Variants in TUSC3 observed in about 807,000 individuals in gnomAD.
TUSC3 encodes tumor suppressor candidate 3, also known as dolichyl-diphosphooligosaccharide--protein glycosyltransferase subunit TUSC3.
Under a neutral mutation model 44.8 loss-of-function variants are expected in TUSC3, and 45 were observed. The ratio of observed to expected loss-of-function variants is 1.00; its 90% confidence interval spans 0.79 to 1.29. The LOEUF (loss-of-function observed/expected upper bound fraction) is 1.29. Ranked by LOEUF, TUSC3 falls within the 50% of genes most tolerant of loss-of-function variation. The pLI is 0.00. For synonymous variants in TUSC3, 212 were observed against 152.9 expected, an observed-to-expected ratio of 1.39 and a Z score of -2.85; for missense variants, 519 against 437.9, an observed-to-expected ratio of 1.19 and a Z score of -1.65.
chr8:15,553,050 T>C (rs188341803), intron 1 of TUSC3, among the ~76,000 whole-genome samples: 2 of 151,688 alleles, frequency 1.3e-5, no homozygotes, highest in East Asian at 3.9e-4. Context: ...CATTTCTTGA[T>C]AAAAGGGAAA....
chr8:15,609,365 C>T (rs967439540), intron 1 of TUSC3, among the ~76,000 whole-genome samples: 1 of 152,120 alleles, frequency 6.6e-6, no homozygotes, highest in Non-Finnish European at 1.5e-5. Context: ...TAATAGTCAT[C>T]TTGTCTGGAT....
At chr8:15,467,252 G>A (rs1420067510) in intron 1 of TUSC3, among the ~76,000 whole-genome samples, 1 of 143,916 alleles carries the variant, frequency 6.9e-6, no homozygotes, top group African/African-American at 2.6e-5. Flanking sequence ...TCATTCAGTG[G>A]TATTAAATAG....
chr8:15,824,181 C>G, the TUSC3 span, among the ~76,000 whole-genome samples: 14 of 152,158 alleles, frequency 9.2e-5, no homozygotes, highest in African/African-American at 3.4e-4. Flanking sequence ...ATAGAACTAA[C>G]TAGTCACAGA....
At position 15,542,029 on chromosome 8, in the gene TUSC3, G is replaced by A. The variant is rs192926578; in HGVS notation, c.138+1461G>A. 1.6e-3 allele frequency among the ~76,000 whole-genome samples: 235 copies of A among 150,830 alleles called. 1 individual carries two copies. The highest frequency in any genetic ancestry group is 2.5e-3 in the Admixed American group (38 of 15,126). ...TTTTTTTTTTGCCAGTGTTAAGGAT[G>A]CACTGGTGACACAGCCTCTGGAGGT... On this transcript the variant is annotated intron_variant, in intron 1 of 10. Coordinates refer to ENST00000503731, the MANE Select transcript of TUSC3 (RefSeq NM_006765.4).
At chr8:15,714,657 A>T (rs1337670657) in intron 6 of TUSC3, among the ~76,000 whole-genome samples, 1 of 152,178 alleles carries the variant, frequency 6.6e-6, no homozygotes. Flanking sequence ...CTTAGTAGGA[A>T]TGTTAAATAT....
At chr8:15,770,029 G>A (rs1464478824), downstream of TUSC3, among the ~76,000 whole-genome samples, 2 of 152,202 alleles carry the variant, frequency 1.3e-5, no homozygotes, top group Non-Finnish European at 2.9e-5. Context: ...TCTAGAATCA[G>A]AAATACCATT....
chr8:15,479,080 C>G (rs560640255), intron 1 of TUSC3, among the ~76,000 whole-genome samples: 10 of 152,150 alleles, frequency 6.6e-5, no homozygotes, highest in Non-Finnish European at 1.5e-4. Flanking sequence ...TAAATGTCTT[C>G]TTCTGAGAAG....
chr8:15,820,604 C>T, the TUSC3 span, among the ~76,000 whole-genome samples: 11 of 152,150 alleles, frequency 7.2e-5, no homozygotes, highest in Non-Finnish European at 1.5e-4. Context: ...AGGCGTGAGC[C>T]ACGGCAGCCA....
intron 1 of TUSC3, among the ~76,000 whole-genome samples, chr8:15,602,940 TAGATA>T (rs1804353512): frequency 6.6e-6 from 1 of 151,674 alleles, no homozygotes; most frequent in African/African-American, 2.4e-5. Flanking sequence ...TTAATGTTAG[TAGATA>T]TTTTACGATA....
chr8:15,489,712 T>A (rs568940664), intron 2 of TUSC3, among the ~76,000 whole-genome samples: 1 of 152,180 alleles, frequency 6.6e-6, no homozygotes, highest in African/African-American at 2.4e-5. Context: ...TTAATGTGAA[T>A]GTTGGCCAGT....
chr8:15,776,731 A>G, the TUSC3 span, among the ~76,000 whole-genome samples: 2 of 152,154 alleles, frequency 1.3e-5, no homozygotes, highest in African/African-American at 4.8e-5. Context: ...CTTTATTACC[A>G]ATTGTGCTAT....
At chr8:15,497,336 C>G (rs950989698) in intron 2 of TUSC3, among the ~76,000 whole-genome samples, 3 of 152,162 alleles carry the variant, frequency 2.0e-5, no homozygotes, top group Non-Finnish European at 4.4e-5. Context: ...GAGACATATC[C>G]TCAAGCTTAG....
In TUSC3 at chr8:15,540,671, C is replaced by T. The variant is rs1317801679; in HGVS notation, c.138+103C>T. ...TGTTGCTAGGCAGCCTGGTCGCCGGCGTGGGCGATGCCGGCGCTGGGGCGG... is the reference window on the plus strand; with the variant it reads ...TGTTGCTAGGCAGCCTGGTCGCCGGTGTGGGCGATGCCGGCGCTGGGGCGG... On this transcript the variant is annotated intron_variant, in intron 1 of 10. Coordinates refer to ENST00000503731, the MANE Select transcript of TUSC3 (RefSeq NM_006765.4). 10 of 1,391,334 alleles carry T rather than the reference C, an allele frequency of 7.2e-6. No individual in the cohort carries two copies. The East Asian group carries it at 8.4e-5, about 12-fold the overall frequency. The allele number at this position is 1,391,334 out of a possible 1,614,324, so 86.2% of individuals were successfully genotyped here.
the TUSC3 span, among the ~76,000 whole-genome samples, chr8:15,838,785 T>A: frequency 6.6e-6 from 1 of 152,186 alleles, no homozygotes; most frequent in Non-Finnish European, 1.5e-5. Flanking sequence ...TGAAATCAGG[T>A]AGCGTGATGA....
At position 15,418,342 on chromosome 8, in the gene TUSC3, T is replaced by A. The variant is rs956863653; in HGVS notation, n.91+1037T>A. Among the ~76,000 whole-genome samples the A allele has an allele frequency of 8.5e-5, 13 of 152,274 alleles. No individual in the cohort carries two copies. In the South Asian group the frequency reaches 2.7e-3, roughly 32 times the overall value. On this transcript the variant is annotated intron_variant and non_coding_transcript_variant, in intron 1 of 5. Transcript: ENST00000503191. ...TTTTAAAATATATGTTTTCCCAACA[T>A]AGATGACGCATTTTTTTTCAAACAA...
intron 2 of TUSC3, among the ~76,000 whole-genome samples, chr8:15,639,341 G>A (rs1163128015): frequency 6.6e-6 from 1 of 152,164 alleles, no homozygotes; most frequent in Non-Finnish European, 1.5e-5. Context: ...TCAGGGCTTT[G>A]GACTTTCTGT....
In TUSC3 at chr8:15,469,870, C is replaced by G. The variant is rs1348645751; in HGVS notation, n.92-13516C>G. 6.6e-5 allele frequency among the ~76,000 whole-genome samples: 10 copies of G among 152,250 alleles called. No individual in the cohort carries two copies. In the East Asian group the frequency reaches 1.2e-3, roughly 18 times the overall value. The stretch of plus-strand genomic sequence containing the variant: ...AGGGAAGAAACATAAGTGTATGTTA[C>G]TAAGTGAAAGAAGCCAGTCTGAAAA... On this transcript the variant is annotated intron_variant and non_coding_transcript_variant, in intron 1 of 5. Coordinates refer to the TUSC3 transcript ENST00000503191.
chr8:15,606,094 A>T (rs1804513307), intron 1 of TUSC3, among the ~76,000 whole-genome samples: 1 of 152,026 alleles, frequency 6.6e-6, no homozygotes, highest in South Asian at 2.1e-4. Flanking sequence ...GCCACTAGGG[A>T]TGCTGGAGGT....
At chr8:15,833,378 A>T in the TUSC3 span, among the ~76,000 whole-genome samples, 1 of 152,252 alleles carries the variant, frequency 6.6e-6, no homozygotes, top group Non-Finnish European at 1.5e-5. Flanking sequence ...AAAGGAATAT[A>T]AATCATTTTA....
Sources: gnomAD v4.1 joint callset for allele counts (sites outside exome capture counted in the v4.1 genomes callset) on GRCh38, gnomAD v4.1.1 for gene constraint, MANE v1.5 for transcripts, NCBI Gene and HGNC (gene_info 2026-07-23, HGNC 2026-07-21) for gene names.